Variants in PCSK2 observed in about 807,000 individuals in gnomAD.
PCSK2 encodes proprotein convertase subtilisin/kexin type 2, also known as neuroendocrine convertase 2.
A neutral mutation model predicts 69.7 loss-of-function variants in PCSK2; 14 were observed. That is an observed-to-expected ratio of 0.20 (90% CI 0.13 to 0.31). PCSK2 has a LOEUF of 0.31. PCSK2 is among the 10% of genes least tolerant of loss of function. The pLI is 1.00. For missense variants in PCSK2, 544 were observed against 842.5 expected (o/e 0.65, Z 4.39); for synonymous variants, 307 against 320.7 (o/e 0.96, Z 0.46).
chr20:17,346,317 G>C (rs1032116568), intron 2 of PCSK2, among the ~76,000 whole-genome samples: 5 of 152,126 alleles, frequency 3.3e-5, no homozygotes. Context: ...TTCCAGGGAG[G>C]TGTAGTGCTG....
chr20:17,405,774 T>A (rs1305233377), intron 5 of PCSK2, among the ~76,000 whole-genome samples: 1 of 152,210 alleles, frequency 6.6e-6, no homozygotes, highest in Non-Finnish European at 1.5e-5. Context: ...ATACCAGGGA[T>A]GGGTTTTTTT....
intron 2 of PCSK2, among the ~76,000 whole-genome samples, chr20:17,296,214 G>A (rs1988889347): frequency 2.6e-5 from 4 of 152,332 alleles, no homozygotes; most frequent in African/African-American, 9.6e-5. Flanking sequence ...GCAATGGTGA[G>A]TGCCAAGGGC....
intron 10 of PCSK2, among the ~76,000 whole-genome samples, chr20:17,462,427 G>C (rs1183380371): frequency 1.3e-5 from 2 of 152,184 alleles, no homozygotes; most frequent in African/African-American, 2.4e-5. Context: ...GCTGATTCAG[G>C]ACAGGTGGAA....
chr20:17,427,222 T>C (rs998863001), intron 6 of PCSK2, among the ~76,000 whole-genome samples: 5 of 152,166 alleles, frequency 3.3e-5, no homozygotes, highest in African/African-American at 1.2e-4. Flanking sequence ...GTAAAAGAGG[T>C]TGTTTTATTC....
intron 2 of PCSK2, among the ~76,000 whole-genome samples, chr20:17,324,635 T>C (rs1311062370): frequency 1.3e-5 from 2 of 152,066 alleles, no homozygotes; most frequent in South Asian, 4.2e-4. Flanking sequence ...ACAACCCAGA[T>C]ACTCCCCCTA....
At chr20:17,374,068 A>G (rs2030852562) in intron 5 of PCSK2, among the ~76,000 whole-genome samples, 1 of 152,248 alleles carries the variant, frequency 6.6e-6, no homozygotes, top group Non-Finnish European at 1.5e-5. Flanking sequence ...GGTTAAAATT[A>G]TAACCTCCTT....
intron 2 of PCSK2, among the ~76,000 whole-genome samples, chr20:17,272,634 T>C (rs909430761): frequency 1.3e-5 from 2 of 152,024 alleles, no homozygotes; most frequent in African/African-American, 4.8e-5. Context: ...AAAAGTTAAA[T>C]AGTACAAAGA....
intron 2 of PCSK2, among the ~76,000 whole-genome samples, chr20:17,309,131 A>C (rs1346633943): frequency 1.3e-5 from 2 of 152,202 alleles, no homozygotes; most frequent in African/African-American, 4.8e-5. Context: ...GACCAGAGAC[A>C]GATCATGGAG....
At chr20:17,445,108 AG>A (rs2032673055) in intron 8 of PCSK2, among the ~76,000 whole-genome samples, 1 of 152,240 alleles carries the variant, frequency 6.6e-6, no homozygotes, top group South Asian at 2.1e-4. Context: ...GGATAAATAA[AG>A]CACTGGCAAG....
intron 5 of PCSK2, among the ~76,000 whole-genome samples, chr20:17,371,387 C>T (rs756097542): frequency 5.9e-5 from 9 of 152,204 alleles, no homozygotes; most frequent in Non-Finnish European, 7.3e-5. Context: ...TCTGCCAAAA[C>T]CTTCATCTGA....
intron 1 of PCSK2, among the ~76,000 whole-genome samples, chr20:17,254,928 T>C (rs1987120925): frequency 6.6e-6 from 1 of 152,240 alleles, no homozygotes; most frequent in Non-Finnish European, 1.5e-5. Context: ...TTATTTGATA[T>C]TATTTTAAAT....
At chr20:17,460,208 A>T (rs900516468) in intron 10 of PCSK2, among the ~76,000 whole-genome samples, 1 of 152,182 alleles carries the variant, frequency 6.6e-6, no homozygotes, top group Non-Finnish European at 1.5e-5. Flanking sequence ...AGGGCAAAAA[A>T]ATAAATAAAT....
intron 2 of PCSK2, among the ~76,000 whole-genome samples, chr20:17,334,522 G>C (rs148317720): frequency 2.0e-5 from 3 of 152,016 alleles, no homozygotes; most frequent in East Asian, 1.9e-4. Flanking sequence ...GGATTCTTAC[G>C]GGGGGGCAAT....
chr20:17,474,333 C>A (rs188645881), intron 11 of PCSK2, among the ~76,000 whole-genome samples: 3 of 152,312 alleles, frequency 2.0e-5, no homozygotes, highest in Admixed American at 2.0e-4. Context: ...TGGCCTGTGA[C>A]CCCCAGGCAC....
intron 5 of PCSK2, 56 bp from the exon 6 acceptor site, chr20:17,409,207 T>C: frequency 3.7e-6 from 5 of 1,345,404 alleles, no homozygotes; most frequent in Non-Finnish European, 2.1e-6. Context: ...CCCAGCGCTT[T>C]CCCTTTACTG....
Position 17,394,249 on chromosome 20 carries a change from G to A in PCSK2, c.544-15014G>A, listed in dbSNP as rs113048879. On this transcript the variant is annotated intron_variant, in intron 5 of 11. Transcript: ENST00000262545. ...TCTTATAATGTCAAATGATACTGAC[G>A]TCAACAAAACAACTTAGACAATTCT... Among the ~76,000 whole-genome samples, 568 of 152,324 alleles carry A rather than the reference G, an allele frequency of 3.7e-3. 3 individuals are homozygous for A. Among genetic ancestry groups the A allele is most frequent in the African/African-American group, 0.012 (514 of 41,568 alleles).
chr20:17,358,592 C>T (rs901585435), intron 3 of PCSK2, 152 bp downstream of exon 3: 4 of 583,264 alleles, frequency 6.9e-6, no homozygotes, highest in Non-Finnish European at 1.2e-5. Flanking sequence ...TTTTCTGTCA[C>T]CACCTGTGCA....
intron 1 of PCSK2, among the ~76,000 whole-genome samples, chr20:17,232,502 G>T (rs542291285): frequency 6.6e-6 from 1 of 152,276 alleles, no homozygotes; most frequent in African/African-American, 2.4e-5. Context: ...TGTTTCAGAT[G>T]CTTTGTCCTG....
chr20:17,289,885 T>G (rs1600454169), intron 2 of PCSK2, among the ~76,000 whole-genome samples: 1 of 152,332 alleles, frequency 6.6e-6, no homozygotes, highest in Middle Eastern at 3.4e-3. Flanking sequence ...TAAATGAGAT[T>G]CAAAAAACAG....
Sources: allele counts gnomAD v4.1 joint callset (sites outside exome capture counted in the v4.1 genomes callset), GRCh38; gene constraint gnomAD v4.1.1; transcripts MANE v1.5; gene names NCBI Gene and HGNC (gene_info 2026-07-23, HGNC 2026-07-21).